The following SCD5 variants were observed in gnomAD, a reference collection of about 807,000 sequenced individuals.
SCD5 encodes the protein stearoyl-CoA desaturase 5.
Under a neutral mutation model 30.4 loss-of-function variants are expected in SCD5, and 20 were observed. That is an observed-to-expected ratio of 0.66 (90% CI 0.46 to 0.96). SCD5 has a LOEUF of 0.96. Among genes scored for constraint, SCD5 ranks in the 40% least tolerant of loss-of-function variants. The probability of loss-of-function intolerance (pLI) is 0.00; values close to 1 mark genes in which losing one functional copy is unlikely to be tolerated. For missense variants in SCD5, 381 were observed against 443.3 expected (o/e 0.86, Z 1.26); for synonymous variants, 173 against 176.4 (o/e 0.98, Z 0.16).
chr4:82,768,136 C>G (rs1018916691), intron 1 of SCD5, among the ~76,000 whole-genome samples: 2 of 152,112 alleles, frequency 1.3e-5, no homozygotes, highest in Non-Finnish European at 2.9e-5. Flanking sequence ...ATTCTAAGTA[C>G]TCCACATGAA....
intron 1 of SCD5, among the ~76,000 whole-genome samples, chr4:82,760,147 C>T (rs1721327392): frequency 6.6e-6 from 1 of 152,176 alleles, no homozygotes; most frequent in Admixed American, 6.5e-5. Context: ...TTGCAAGAAA[C>T]CCCACGCCTC....
chr4:82,762,587 G>A (rs1474082780), intron 1 of SCD5, among the ~76,000 whole-genome samples: 5 of 152,022 alleles, frequency 3.3e-5, no homozygotes, highest in African/African-American at 7.2e-5. Flanking sequence ...CCTAACATTC[G>A]GCAAAGTGAA....
chr4:82,643,141 G>A (rs1462256597), intron 3 of SCD5, among the ~76,000 whole-genome samples: 1 of 152,174 alleles, frequency 6.6e-6, no homozygotes, highest in East Asian at 1.9e-4. Context: ...TAGAAATACT[G>A]GACTCCTCAG....
intron 3 of SCD5, among the ~76,000 whole-genome samples, chr4:82,669,838 T>C: frequency 6.6e-6 from 1 of 152,188 alleles, no homozygotes; most frequent in East Asian, 1.9e-4. Flanking sequence ...CTGCTGGGGT[T>C]TTATTTAGAG....
chr4:82,658,080 C>A (rs1327323561), intron 3 of SCD5, among the ~76,000 whole-genome samples: 3 of 152,110 alleles, frequency 2.0e-5, no homozygotes, highest in Non-Finnish European at 2.9e-5. Flanking sequence ...ATTTGAATAC[C>A]CTTTATTTCT....
At chr4:82,787,532 C>T (rs565205211) in intron 1 of SCD5, among the ~76,000 whole-genome samples, 3 of 152,304 alleles carry the variant, frequency 2.0e-5, no homozygotes, top group Non-Finnish European at 4.4e-5. Context: ...GAGCCAGAGC[C>T]TCTGTTTCAT....
chr4:82,667,040 G>A (rs948533368), intron 3 of SCD5, among the ~76,000 whole-genome samples: 5 of 152,106 alleles, frequency 3.3e-5, no homozygotes, highest in South Asian at 2.1e-4. Context: ...GATGCATGAG[G>A]ATGCCTTTAT....
At chr4:82,710,364 G>C (rs1435815020) in intron 1 of SCD5, among the ~76,000 whole-genome samples, 1 of 152,114 alleles carries the variant, frequency 6.6e-6, no homozygotes, top group Non-Finnish European at 1.5e-5. Flanking sequence ...TAAATGCAAA[G>C]TGACCCTCGG....
At chr4:82,731,806 C>T (rs1720648845) in intron 1 of SCD5, among the ~76,000 whole-genome samples, 1 of 152,194 alleles carries the variant, frequency 6.6e-6, no homozygotes, top group Non-Finnish European at 1.5e-5. Flanking sequence ...AATACTGAAC[C>T]CCAGACCTGC....
intron 3 of SCD5, among the ~76,000 whole-genome samples, chr4:82,657,658 G>A (rs1235715180): frequency 6.6e-6 from 1 of 152,028 alleles, no homozygotes; most frequent in African/African-American, 2.4e-5. Flanking sequence ...AGCTTGATGG[G>A]GATAGCACTG....
chr4:82,789,951 T>C (rs1722065807), intron 1 of SCD5, among the ~76,000 whole-genome samples: 1 of 152,072 alleles, frequency 6.6e-6, no homozygotes, highest in Admixed American at 6.5e-5. Context: ...TTGTTGTTGT[T>C]GTTGTTAGTG....
chr4:82,701,149 T>G (rs138717316), intron 2 of SCD5, among the ~76,000 whole-genome samples: 1 of 152,248 alleles, frequency 6.6e-6, no homozygotes, highest in Non-Finnish European at 1.5e-5. Flanking sequence ...GGTACTATTA[T>G]GAAGTGGTAC....
At chr4:82,773,477 G>C (rs1042834790) in intron 1 of SCD5, among the ~76,000 whole-genome samples, 3 of 152,176 alleles carry the variant, frequency 2.0e-5, no homozygotes, top group Non-Finnish European at 2.9e-5. Context: ...AAGTGGAGGG[G>C]AGGATGAGAT....
rs1560531713 is a variant in SCD5, at chr4:82,679,263, G to GAAAGAAAGAAA, written c.569+1443_569+1444insTTTCTTTCTTT. Among the ~76,000 whole-genome samples, 186 of 118,334 alleles carry GAAAGAAAGAAA rather than the reference G, an allele frequency of 1.6e-3. 5 individuals are homozygous for GAAAGAAAGAAA. The highest frequency in any genetic ancestry group is 5.5e-3 in the African/African-American group (175 of 32,036). The allele number at this position is 118,334 out of a possible 152,430, so 77.6% of individuals were successfully genotyped here. A position where few individuals can be genotyped will look rare whatever the true frequency, so the allele number is the denominator to read the frequency against. On this transcript the variant is annotated intron_variant, in intron 3 of 4. Coordinates refer to ENST00000319540, the MANE Select transcript of SCD5 (RefSeq NM_001037582.3). ...AAGAAAGAAAGAAAGAAAGAAAGAA[G>GAAAGAAAGAAA]GAAGGAAAGAAAGAAAGAAGGAAGG...
In SCD5 at chr4:82,705,465, C is replaced by T; in HGVS notation, c.233-52G>A. ...CAACAATGGTCCCTGAGCTTTCAAACACCCCCCATGCTTTTTCTCTCCTGA... is the reference window on the plus strand; with the variant it reads ...CAACAATGGTCCCTGAGCTTTCAAATACCCCCCATGCTTTTTCTCTCCTGA... On this transcript the variant is annotated intron_variant, in intron 1 of 4. Coordinates refer to ENST00000319540, the MANE Select transcript of SCD5 (RefSeq NM_001037582.3). 3 of 1,604,894 alleles carry T rather than the reference C, an allele frequency of 1.9e-6. 1 individual carries two copies. Among genetic ancestry groups the T allele is most frequent in the South Asian group, 2.2e-5 (2 of 90,024 alleles).
chr4:82,797,770 T>G (rs1578072966), intron 1 of SCD5, among the ~76,000 whole-genome samples: 1 of 152,040 alleles, frequency 6.6e-6, no homozygotes, highest in East Asian at 1.9e-4. Flanking sequence ...TTCCATCTGG[T>G]GCGCGTAAAC....
chr4:82,720,652 C>T (rs530837882), intron 1 of SCD5, among the ~76,000 whole-genome samples: 1 of 152,094 alleles, frequency 6.6e-6, no homozygotes, highest in East Asian at 1.9e-4. Context: ...CTGCCCCAAC[C>T]CTCTGTAGGT....
intron 1 of SCD5, among the ~76,000 whole-genome samples, chr4:82,746,427 C>A (rs1375720356): frequency 6.6e-6 from 1 of 152,168 alleles, no homozygotes; most frequent in East Asian, 1.9e-4. Context: ...GTACACTTTG[C>A]CCTTTTTTCT....
intron 3 of SCD5, among the ~76,000 whole-genome samples, chr4:82,674,257 G>A (rs188222813): frequency 3.5e-4 from 53 of 152,236 alleles, no homozygotes; most frequent in African/African-American, 1.2e-3. Context: ...TCTGATAAAG[G>A]ACTGTTATCC....
Sources: gnomAD v4.1 joint callset for allele counts (sites outside exome capture counted in the v4.1 genomes callset) on GRCh38, gnomAD v4.1.1 for gene constraint, MANE v1.5 for transcripts, NCBI Gene and HGNC (gene_info 2026-07-23, HGNC 2026-07-21) for gene names.